SHISA9: variants seen among roughly 807,000 people sequenced by gnomAD.
The protein encoded by SHISA9 is protein shisa-9.
In SHISA9, 13 loss-of-function variants were observed where a neutral mutation model predicts 38.0. The ratio of observed to expected loss-of-function variants is 0.34; its 90% confidence interval spans 0.22 to 0.54. The LOEUF (loss-of-function observed/expected upper bound fraction) is 0.54, where lower values mean the gene tolerates loss of function less well. Ranked by LOEUF, SHISA9 falls within the 20% of genes least tolerant of loss-of-function variation. The pLI is 0.91. For missense variants in SHISA9, 538 were observed against 575.8 expected, an observed-to-expected ratio of 0.93 and a Z score of 0.67; for synonymous variants, 275 against 242.0, an observed-to-expected ratio of 1.14 and a Z score of -1.27.
chr16:13,550,743 T>C, the SHISA9 span, among the ~76,000 whole-genome samples: 1 of 152,208 alleles, frequency 6.6e-6, no homozygotes, highest in Non-Finnish European at 1.5e-5. Context: ...AAGTGACTAA[T>C]AAAAGTTTTC....
chr16:13,042,225 C>T (rs937837702), intron 2 of SHISA9, among the ~76,000 whole-genome samples: 10 of 152,146 alleles, frequency 6.6e-5, no homozygotes, highest in Non-Finnish European at 1.0e-4. Flanking sequence ...TTACCTCAGC[C>T]AGGAACTGTG....
At chr16:13,371,890 G>GAGTTT in the SHISA9 span, among the ~76,000 whole-genome samples, 1 of 152,154 alleles carries the variant, frequency 6.6e-6, no homozygotes, top group African/African-American at 2.4e-5. Context: ...ATCAAGACCA[G>GAGTTT]GATTCCAACT....
chr16:13,019,252 G>A lies in SHISA9; in HGVS notation c.691+102437G>A, dbSNP rs1170632514. ...TGGCCTCAAGTGATCTACCTGCCTC[G>A]GCCTCCCAAAGTGCTGAGATTACAG... On this transcript the variant is annotated intron_variant, in intron 2 of 4. Coordinates refer to ENST00000558583, the MANE Select transcript of SHISA9 (RefSeq NM_001145204.3). Among the ~76,000 whole-genome samples the A allele has an allele frequency of 3.3e-5, 5 of 152,072 alleles. No homozygotes were observed. The East Asian group carries it at 5.8e-4, about 18-fold the overall frequency.
At chr16:13,323,458 CA>C in the SHISA9 span, among the ~76,000 whole-genome samples, 2 of 152,180 alleles carry the variant, frequency 1.3e-5, no homozygotes, top group East Asian at 1.9e-4. Context: ...CTTCAAATCT[CA>C]TATTTATATG....
the SHISA9 span, among the ~76,000 whole-genome samples, chr16:13,466,112 C>T: frequency 1.3e-5 from 2 of 152,288 alleles, no homozygotes; most frequent in Middle Eastern, 3.4e-3. Context: ...CTTCCTGTTC[C>T]CACAATGTTA....
chr16:13,049,162 G>A (rs1312053709), intron 2 of SHISA9, among the ~76,000 whole-genome samples: 1 of 8,856 alleles, frequency 1.1e-4, no homozygotes, highest in Non-Finnish European at 2.9e-4. Context: ...GAGTATGTGT[G>A]TGTGTGTGTG....
Position 13,034,275 on chromosome 16 carries a change from T to C in SHISA9, c.691+117460T>C, listed in dbSNP as rs140479229. On this transcript the variant is annotated intron_variant, in intron 2 of 4. Transcript: ENST00000558583. ...TAGAGGGAAAGATTCAGGAATGGCATTGGTGGGGGTAGGGGTGATGAGCAC... is the reference window on the plus strand; with the variant it reads ...TAGAGGGAAAGATTCAGGAATGGCACTGGTGGGGGTAGGGGTGATGAGCAC... 3.4e-3 allele frequency among the ~76,000 whole-genome samples: 523 copies of C among 152,196 alleles called. 8 individuals carry two copies. The highest frequency in any genetic ancestry group is 0.012 in the African/African-American group (510 of 41,528).
At chr16:13,309,065 T>C in the SHISA9 span, among the ~76,000 whole-genome samples, 1 of 152,164 alleles carries the variant, frequency 6.6e-6, no homozygotes, top group Admixed American at 6.5e-5. Flanking sequence ...AGGAAGAGTG[T>C]CTTTAATATG....
chr16:13,190,152 C>T (rs1000818683), intron 2 of SHISA9, among the ~76,000 whole-genome samples: 1 of 150,576 alleles, frequency 6.6e-6, no homozygotes, highest in Non-Finnish European at 1.5e-5. Flanking sequence ...CATATGTATA[C>T]ATGTGCCATG....
At chr16:13,081,604 A>G (rs533939020) in intron 2 of SHISA9, among the ~76,000 whole-genome samples, 8 of 152,016 alleles carry the variant, frequency 5.3e-5, no homozygotes, top group African/African-American at 1.9e-4. Flanking sequence ...GTGATTCCAC[A>G]TCTATGGTGT....
chr16:13,095,635 A>C (rs764901774), intron 2 of SHISA9, among the ~76,000 whole-genome samples: 39 of 152,220 alleles, frequency 2.6e-4, no homozygotes, highest in Non-Finnish European at 5.3e-4. Flanking sequence ...GTGGGTTTCC[A>C]AGTATGGGAG....
chr16:13,422,669 C>G, the SHISA9 span, among the ~76,000 whole-genome samples: 1 of 152,152 alleles, frequency 6.6e-6, no homozygotes, highest in Admixed American at 6.5e-5. Context: ...GCATTCCAGC[C>G]TGGGTGAAAG....
At chr16:13,363,446 G>C in the SHISA9 span, among the ~76,000 whole-genome samples, 2 of 152,200 alleles carry the variant, frequency 1.3e-5, no homozygotes, top group South Asian at 2.1e-4. Context: ...TAAAAATTAG[G>C]TGGTGGTGGC....
At chr16:13,015,833 CTCTT>C (rs2141857333) in intron 2 of SHISA9, among the ~76,000 whole-genome samples, 1 of 127,016 alleles carries the variant, frequency 7.9e-6, no homozygotes, top group South Asian at 2.5e-4. Context: ...TTCTCTCTCT[CTCTT>C]TTCTTTCTTT....
At chr16:13,211,521 G>A (rs764716195) in intron 3 of SHISA9, among the ~76,000 whole-genome samples, 5 of 152,010 alleles carry the variant, frequency 3.3e-5, no homozygotes, top group African/African-American at 7.2e-5. Context: ...CACACTGAAA[G>A]TTCCCTCATA....
chr16:13,036,419 C>G (rs1243918343), intron 2 of SHISA9, among the ~76,000 whole-genome samples: 2 of 151,960 alleles, frequency 1.3e-5, no homozygotes, highest in Non-Finnish European at 2.9e-5. Flanking sequence ...CTAGAAATGA[C>G]AAATGAAATC....
At chr16:13,307,080 G>A in the SHISA9 span, among the ~76,000 whole-genome samples, 2 of 152,140 alleles carry the variant, frequency 1.3e-5, no homozygotes, top group East Asian at 3.8e-4. Context: ...CATAGACTCA[G>A]GCTGGTTTGA....
chr16:13,494,359 AAAG>A, the SHISA9 span, among the ~76,000 whole-genome samples: 1 of 152,230 alleles, frequency 6.6e-6, no homozygotes, highest in African/African-American at 2.4e-5. Flanking sequence ...TGGGGACACT[AAAG>A]AACCCCAGAA....
intron 2 of SHISA9, among the ~76,000 whole-genome samples, chr16:13,112,223 T>C (rs1450856629): frequency 6.6e-6 from 1 of 152,088 alleles, no homozygotes; most frequent in Non-Finnish European, 1.5e-5. Flanking sequence ...TCTTGATATG[T>C]TTAGAGAGCA....
Sources: allele counts gnomAD v4.1 joint callset (sites outside exome capture counted in the v4.1 genomes callset), GRCh38; gene constraint gnomAD v4.1.1; transcripts MANE v1.5; gene names NCBI Gene and HGNC (gene_info 2026-07-23, HGNC 2026-07-21).